CHN1: variants seen among roughly 807,000 people sequenced by gnomAD.
CHN1 encodes N-chimaerin.
CHN1 carries 37 observed loss-of-function variants against 59.5 expected under a neutral mutation model. The ratio of observed to expected loss-of-function variants is 0.62; its 90% confidence interval spans 0.48 to 0.82. CHN1 has a LOEUF of 0.82. CHN1 is among the 40% of genes least tolerant of loss of function. CHN1 has a pLI of 0.00. For synonymous variants in CHN1, 206 were observed against 200.4 expected (o/e 1.03, Z -0.24); for missense variants, 469 against 571.0 (o/e 0.82, Z 1.82).
chr2:175,000,382 T>C (rs1045752525), intron 1 of CHN1, among the ~76,000 whole-genome samples: 1 of 151,500 alleles, frequency 6.6e-6, no homozygotes, highest in Non-Finnish European at 1.5e-5. Context: ...CAAGTGATCA[T>C]CCACCTTAGC....
At chr2:174,923,391 C>T (rs1001814407) in intron 3 of CHN1, among the ~76,000 whole-genome samples, 4 of 152,196 alleles carry the variant, frequency 2.6e-5, no homozygotes, top group South Asian at 2.1e-4. Flanking sequence ...CCACCCACCT[C>T]GGCCTCCCAA....
chr2:174,814,685 AAAATG>A (rs1355076122), intron 8 of CHN1, among the ~76,000 whole-genome samples: 57 of 152,218 alleles, frequency 3.7e-4, no homozygotes, highest in African/African-American at 1.3e-3. Flanking sequence ...GTTATTTAGA[AAAATG>A]AAATAACACT....
intron 6 of CHN1, among the ~76,000 whole-genome samples, chr2:174,857,151 G>A (rs1446814163): frequency 2.0e-5 from 3 of 152,194 alleles, no homozygotes; most frequent in African/African-American, 7.2e-5. Context: ...TGGTGGGAAT[G>A]GAATTGGAGC....
intron 6 of CHN1, among the ~76,000 whole-genome samples, chr2:174,872,205 G>C (rs1355042581): frequency 6.6e-6 from 1 of 152,082 alleles, no homozygotes; most frequent in Admixed American, 6.5e-5. Context: ...GATCGCTTGA[G>C]CCCAGGAGGT....
chr2:174,935,445 A>G (rs1010327881), intron 3 of CHN1, among the ~76,000 whole-genome samples: 6 of 152,250 alleles, frequency 3.9e-5, no homozygotes, highest in African/African-American at 1.2e-4. Flanking sequence ...AGAACATTGT[A>G]TTGAAAAATA....
chr2:174,807,768 C>T (rs1485452529), intron 11 of CHN1, among the ~76,000 whole-genome samples: 2 of 152,058 alleles, frequency 1.3e-5, no homozygotes, highest in Non-Finnish European at 2.9e-5. Flanking sequence ...AAATCCTCTA[C>T]AAAAGCCCTG....
chr2:174,804,829 CTG>C (rs1257305051), intron 11 of CHN1, among the ~76,000 whole-genome samples: 1 of 152,194 alleles, frequency 6.6e-6, no homozygotes, highest in Non-Finnish European at 1.5e-5. Flanking sequence ...AACATGCTGA[CTG>C]TGGATTAATC....
intron 7 of CHN1, among the ~76,000 whole-genome samples, chr2:174,825,516 A>G (rs1387517959): frequency 6.6e-6 from 1 of 152,236 alleles, no homozygotes; most frequent in African/African-American, 2.4e-5. Context: ...AAAGGATTCA[A>G]ATGTTAAGAT....
chr2:174,812,970 TATG>T (rs1685126294), intron 8 of CHN1, among the ~76,000 whole-genome samples: 1 of 152,180 alleles, frequency 6.6e-6, no homozygotes, highest in Non-Finnish European at 1.5e-5. Flanking sequence ...TTTCTATATA[TATG>T]ATAACTAATA....
intron 12 of CHN1, among the ~76,000 whole-genome samples, chr2:174,801,342 G>A (rs1014948886): frequency 3.3e-5 from 5 of 151,660 alleles, no homozygotes; most frequent in Non-Finnish European, 5.9e-5. Context: ...GAGCTGCCTT[G>A]CAAGTTGCAA....
chr2:174,866,731 T>G (rs1157925935), intron 6 of CHN1, among the ~76,000 whole-genome samples: 1 of 152,328 alleles, frequency 6.6e-6, no homozygotes, highest in African/African-American at 2.4e-5. Context: ...TGGGCAACTC[T>G]AAAGTGTAGA....
At chr2:174,895,856 A>G (rs2105351335) in intron 5 of CHN1, among the ~76,000 whole-genome samples, 1 of 152,292 alleles carries the variant, frequency 6.6e-6, no homozygotes, top group Admixed American at 6.5e-5. Flanking sequence ...CTGTTCACAG[A>G]GAGTTGAAGG....
At chr2:174,878,234 G>T in intron 5 of CHN1, 106 bp from the exon 6 acceptor site, 3 of 1,024,412 alleles carry the variant, frequency 2.9e-6, no homozygotes, top group South Asian at 2.0e-5. Context: ...TTTTGTGTGT[G>T]TCTTCTTTGT....
chr2:174,830,249 T>TA (rs1036106807), intron 7 of CHN1, among the ~76,000 whole-genome samples: 5 of 151,656 alleles, frequency 3.3e-5, no homozygotes, highest in African/African-American at 7.3e-5. Flanking sequence ...AAATAAAAAA[T>TA]AAAAAAATCA....
intron 6 of CHN1, among the ~76,000 whole-genome samples, chr2:174,849,884 A>G (rs181886065): frequency 6.6e-6 from 1 of 152,334 alleles, no homozygotes. Context: ...CACCCAGGTG[A>G]GAAAATGAGA....
rs745760365 is a variant in CHN1 at position 175,004,946 on chromosome 2, G to A, written c.-34C>T. On this transcript the variant is annotated 5_prime_UTR_variant, in exon 1 of 13. Transcript: ENST00000409900. ...CGCTCGCCGCCGCCCGCGAGTCCAG[G>A]CGCTCCTCCCAGGCGGGCTAGGGAT... 30 of 1,526,084 alleles carry A rather than the reference G, an allele frequency of 2.0e-5. No individual in the cohort carries two copies. Among genetic ancestry groups the A allele is most frequent in the Non-Finnish European group, 2.6e-5 (30 of 1,140,050 alleles). 94.5% of individuals were successfully genotyped at this position (1,526,084 alleles called of 1,614,324 possible). A position where few individuals can be genotyped will look rare whatever the true frequency, so the allele number is the denominator to read the frequency against.
intron 1 of CHN1, among the ~76,000 whole-genome samples, chr2:174,991,083 T>A (rs1691532862): frequency 6.6e-6 from 1 of 152,240 alleles, no homozygotes; most frequent in South Asian, 2.1e-4. Flanking sequence ...AAAACAATCA[T>A]TAGGGTGAGC....
rs932228627 is a variant in CHN1, at chr2:174,919,412, A to G, written c.115-847T>C. 2.8e-5 allele frequency among the ~76,000 whole-genome samples: 3 copies of G among 108,696 alleles called. No homozygotes were observed. The Admixed American group carries it at 3.0e-4, about 11-fold the overall frequency. The allele number at this position is 108,696 out of a possible 152,430, so 71.3% of individuals were successfully genotyped here. ...GTGAGTCCTGAATGACAAGATGCCAACTCCGACTGTTCATAGGAACAGCAA... is the reference window on the plus strand; with the variant it reads ...GTGAGTCCTGAATGACAAGATGCCAGCTCCGACTGTTCATAGGAACAGCAA... On this transcript the variant is annotated intron_variant, in intron 3 of 12. Coordinates refer to ENST00000409900, the MANE Select transcript of CHN1 (RefSeq NM_001822.7).
intron 1 of CHN1, among the ~76,000 whole-genome samples, chr2:174,982,847 C>G (rs1691204098): frequency 6.6e-6 from 1 of 152,006 alleles, no homozygotes. Flanking sequence ...AAATTTAAAA[C>G]ATATTTTAAA....
Sources: allele counts gnomAD v4.1 joint callset (sites outside exome capture counted in the v4.1 genomes callset), GRCh38; gene constraint gnomAD v4.1.1; transcripts MANE v1.5; gene names NCBI Gene and HGNC (gene_info 2026-07-23, HGNC 2026-07-21).